The following ALPK2 variants were observed in gnomAD, a reference collection of about 807,000 sequenced individuals.
ALPK2 encodes alpha-protein kinase 2.
In ALPK2, 127 loss-of-function variants were observed where a neutral mutation model predicts 163.1. The ratio of observed to expected loss-of-function variants is 0.78; its 90% CI spans 0.67 to 0.90. ALPK2 has a LOEUF of 0.90. ALPK2 is among the 40% of genes least tolerant of loss of function. The pLI is 0.00. For synonymous variants in ALPK2, 953 were observed against 959.1 expected, an observed-to-expected ratio of 0.99 and a Z score of 0.12; for missense variants, 2,360 against 2,589.6, an observed-to-expected ratio of 0.91 and a Z score of 1.92.
At chr18:58,490,656 C>A (rs1173787965) in intron 12 of ALPK2, among the ~76,000 whole-genome samples, 1 of 152,198 alleles carries the variant, frequency 6.6e-6, no homozygotes, top group Non-Finnish European at 1.5e-5. Context: ...CAAAAAGTTC[C>A]CTCTTTCTGC....
At chr18:58,575,597 G>T (rs1200346912) in intron 4 of ALPK2, among the ~76,000 whole-genome samples, 1 of 152,220 alleles carries the variant, frequency 6.6e-6, no homozygotes, top group Non-Finnish European at 1.5e-5. Flanking sequence ...TAGTGTGGCT[G>T]CCGAGAAACT....
intron 1 of ALPK2, among the ~76,000 whole-genome samples, chr18:58,617,147 A>G (rs1433209199): frequency 1.3e-5 from 2 of 152,136 alleles, no homozygotes; most frequent in African/African-American, 4.8e-5. Context: ...GATTTTCCCT[A>G]AACAGTGGAT....
rs28676458 is a variant in ALPK2, at chr18:58,563,538, T to C, written c.1962+15276A>G. On this transcript the variant is annotated intron_variant, in intron 4 of 12. Transcript: ENST00000361673. ...TAAGCTGAGAAAATGACCAGGACTG[T>C]AGCTTTGGTTCTGCCAATAAACAAA... Among the ~76,000 whole-genome samples the C allele has an allele frequency of 7.8e-3, 1,190 of 152,286 alleles. 10 individuals are homozygous for C. The highest frequency in any genetic ancestry group is 0.028 in the African/African-American group (1,149 of 41,558).
chr18:58,545,438 G>A (rs1227435930), intron 4 of ALPK2, among the ~76,000 whole-genome samples: 2 of 152,238 alleles, frequency 1.3e-5, no homozygotes, highest in Admixed American at 1.3e-4. Context: ...AGAGCAAGGG[G>A]TGTGGTCCCT....
chr18:58,530,733 G>T (rs913073771), intron 5 of ALPK2, among the ~76,000 whole-genome samples: 3 of 152,216 alleles, frequency 2.0e-5, no homozygotes, highest in African/African-American at 7.2e-5. Flanking sequence ...CTTTGGATAG[G>T]ACCCCTGACT....
At chr18:58,571,427 G>GAAAAAAAAAAAAAAAAA in intron 4 of ALPK2, among the ~76,000 whole-genome samples, 1 of 108,732 alleles carries the variant, frequency 9.2e-6, no homozygotes. Flanking sequence ...ACATCCACAG[G>GAAAAAAAAAAAAAAAAA]AAAAAAAAAA....
At chr18:58,544,755 T>C (rs2051708903) in intron 4 of ALPK2, 3 of 152,186 alleles carry the variant, frequency 2.0e-5, no homozygotes, top group Non-Finnish European at 4.4e-5. Context: ...TTCCATGCAG[T>C]CTAAGGGACT....
chr18:58,598,781 A>T (rs1156932169), intron 3 of ALPK2, among the ~76,000 whole-genome samples: 1 of 152,170 alleles, frequency 6.6e-6, no homozygotes, highest in Non-Finnish European at 1.5e-5. Flanking sequence ...CGATTTCTAC[A>T]TGAGCAATAC....
intron 12 of ALPK2, among the ~76,000 whole-genome samples, chr18:58,484,395 TATG>T (rs1232235269): frequency 2.6e-5 from 4 of 152,254 alleles, no homozygotes; most frequent in South Asian, 2.1e-4. Flanking sequence ...TACAGTGAAA[TATG>T]ATGAATACGA....
chr18:58,545,085 TGGG>T (rs2051710587), intron 4 of ALPK2: 1 of 152,144 alleles, frequency 6.6e-6, no homozygotes, highest in African/African-American at 2.4e-5. Context: ...CTTCCAGTCC[TGGG>T]GCATGAAAAT....
chr18:58,579,819 G>C lies in ALPK2; in HGVS notation c.957C>G (p.Thr319=), dbSNP rs778839906. Residue 319 remains threonine (T), a synonymous_variant, in exon 4 of 13, where the codon ACC becomes ACG. Transcript: ENST00000361673. ...CCAGGTCATCATCTGAAAACTCCTC[G>C]GTGTAGGTTAGGGTTATCTCTGGGC... The part of the protein sequence containing the change: ...ELCPEITLTY[T]EEFSDDDLEY... 6.2e-7 allele frequency: 1 copy of C among 1,613,928 alleles called. No individual in the cohort carries two copies. Among genetic ancestry groups the C allele is most frequent in the African/African-American group, 1.3e-5 (1 of 74,890 alleles).
At chr18:58,531,853 G>A (rs887822904) in intron 5 of ALPK2, among the ~76,000 whole-genome samples, 33 of 137,046 alleles carry the variant, frequency 2.4e-4, no homozygotes, top group South Asian at 4.8e-4. Flanking sequence ...CTGGAGGATC[G>A]CTTGAACCAG....
At chr18:58,496,043 T>C (rs2051399389) in intron 12 of ALPK2, among the ~76,000 whole-genome samples, 1 of 152,196 alleles carries the variant, frequency 6.6e-6, no homozygotes, top group African/African-American at 2.4e-5. Flanking sequence ...ATATAATTTA[T>C]CTTCTAAATG....
chr18:58,504,224 C>A (rs1568068470), intron 10 of ALPK2, 76 bp from the exon 11 acceptor site: 1 of 1,243,432 alleles, frequency 8.0e-7, no homozygotes. Context: ...TCTACTCTCT[C>A]CTGGAGCAGC....
chr18:58,498,167 C>T, intron 11 of ALPK2, 70 bp from the exon 12 acceptor site: 2 of 1,461,204 alleles, frequency 1.4e-6, no homozygotes, highest in Non-Finnish European at 1.9e-6. Flanking sequence ...GGCCATCTAG[C>T]CCCAGGGAAG....
At chr18:58,614,270 A>C (rs2144235257) in intron 1 of ALPK2, among the ~76,000 whole-genome samples, 1 of 152,372 alleles carries the variant, frequency 6.6e-6, no homozygotes, top group Non-Finnish European at 1.5e-5. Context: ...GGTGTGGAAG[A>C]CTGAGCAAGA....
intron 12 of ALPK2, among the ~76,000 whole-genome samples, chr18:58,494,388 A>G (rs1042904212): frequency 6.6e-6 from 1 of 152,210 alleles, no homozygotes; most frequent in Non-Finnish European, 1.5e-5. Context: ...ACATACAATG[A>G]AGTAAAGTTG....
At chr18:58,500,635 C>G (rs1183485982) in intron 11 of ALPK2, among the ~76,000 whole-genome samples, 1 of 152,154 alleles carries the variant, frequency 6.6e-6, no homozygotes, top group African/African-American at 2.4e-5. Flanking sequence ...GAAGTTCATT[C>G]TCCACTTGGC....
chr18:58,561,117 A>T (rs919912957), intron 4 of ALPK2, among the ~76,000 whole-genome samples: 1 of 152,228 alleles, frequency 6.6e-6, no homozygotes, highest in Non-Finnish European at 1.5e-5. Flanking sequence ...GATCTGTCAG[A>T]TACCGTATGT....
Sources: gnomAD v4.1 joint callset for allele counts (sites outside exome capture counted in the v4.1 genomes callset) on GRCh38, gnomAD v4.1.1 for gene constraint, MANE v1.5 for transcripts, NCBI Gene and HGNC (gene_info 2026-07-23, HGNC 2026-07-21) for gene names.